SLC35F4: variants seen among roughly 807,000 people sequenced by gnomAD.
The protein encoded by SLC35F4 is solute carrier family 35 member F4, also known as chromosome 14 open reading frame 36.
In SLC35F4, 24 loss-of-function variants were observed where a neutral mutation model predicts 44.2. The observed-to-expected ratio is 0.54, with a 90% CI of 0.39 to 0.76. The LOEUF (loss-of-function observed/expected upper bound fraction) is 0.76, where lower values mean the gene tolerates loss of function less well. SLC35F4 is among the 30% of genes least tolerant of loss of function. The pLI, the probability that SLC35F4 is intolerant of heterozygous loss-of-function variation, is 0.00. For missense variants in SLC35F4, 562 were observed against 586.1 expected (o/e 0.96, Z 0.42); for synonymous variants, 238 against 223.6 (o/e 1.06, Z -0.57).
chr14:57,709,429 G>A (rs577426971), intron 1 of SLC35F4, among the ~76,000 whole-genome samples: 12 of 152,122 alleles, frequency 7.9e-5, no homozygotes, highest in South Asian at 2.1e-4. Context: ...ATTATAGAGC[G>A]AGGATTATTA....
chr14:57,790,237 G>GA (rs762983835), intron 1 of SLC35F4, among the ~76,000 whole-genome samples: 4 of 152,132 alleles, frequency 2.6e-5, no homozygotes, highest in Non-Finnish European at 5.9e-5. Flanking sequence ...AGTATATTTA[G>GA]AAAATCCCAT....
At chr14:57,711,145 G>C (rs573070827) in intron 1 of SLC35F4, among the ~76,000 whole-genome samples, 1 of 152,202 alleles carries the variant, frequency 6.6e-6, no homozygotes, top group African/African-American at 2.4e-5. Flanking sequence ...GGTTTCCCCT[G>C]CTGTTCTCAT....
At chr14:57,768,527 G>A (rs1026445070) in intron 1 of SLC35F4, among the ~76,000 whole-genome samples, 3 of 152,178 alleles carry the variant, frequency 2.0e-5, no homozygotes, top group South Asian at 2.1e-4. Flanking sequence ...AGAAGTCCTC[G>A]TGGATTCACT....
intron 1 of SLC35F4, among the ~76,000 whole-genome samples, chr14:57,791,125 T>C (rs899001530): frequency 6.6e-6 from 1 of 152,134 alleles, no homozygotes; most frequent in Non-Finnish European, 1.5e-5. Flanking sequence ...AAAGCCAAAA[T>C]TGACAAATGG....
intron 1 of SLC35F4, among the ~76,000 whole-genome samples, chr14:57,834,859 T>C (rs762361922): frequency 3.3e-5 from 5 of 152,146 alleles, no homozygotes; most frequent in Non-Finnish European, 7.4e-5. Flanking sequence ...CGAAACCCCA[T>C]CTCTACTAAA....
intron 1 of SLC35F4, among the ~76,000 whole-genome samples, chr14:57,925,186 G>A (rs1226300200): frequency 6.6e-6 from 1 of 151,640 alleles, no homozygotes; most frequent in Admixed American, 6.6e-5. Context: ...ACTTCCATTA[G>A]GCCCCACCTC....
intron 1 of SLC35F4, among the ~76,000 whole-genome samples, chr14:57,795,869 G>C (rs577861013): frequency 1.3e-5 from 2 of 152,110 alleles, no homozygotes; most frequent in Admixed American, 6.6e-5. Flanking sequence ...CATGTTACTA[G>C]GGTTTGGTGT....
intron 1 of SLC35F4, among the ~76,000 whole-genome samples, chr14:57,914,925 C>G (rs1889287498): frequency 6.6e-6 from 1 of 152,140 alleles, no homozygotes; most frequent in Non-Finnish European, 1.5e-5. Context: ...TTAGAAGGGA[C>G]TCTCTGCAGC....
At chr14:57,743,206 A>G (rs1309959438) in intron 1 of SLC35F4, among the ~76,000 whole-genome samples, 4 of 152,232 alleles carry the variant, frequency 2.6e-5, no homozygotes, top group Non-Finnish European at 5.9e-5. Context: ...AGCAGAAGGC[A>G]AGAAATAACT....
At chr14:57,645,197 T>C (rs1291583691) in intron 1 of SLC35F4, among the ~76,000 whole-genome samples, 2 of 152,224 alleles carry the variant, frequency 1.3e-5, no homozygotes, top group Non-Finnish European at 2.9e-5. Flanking sequence ...ATTGAATCTA[T>C]AAATTACCTT....
intron 1 of SLC35F4, among the ~76,000 whole-genome samples, chr14:57,958,831 A>G (rs1234055666): frequency 6.6e-6 from 1 of 152,200 alleles, no homozygotes; most frequent in Non-Finnish European, 1.5e-5. Context: ...CAGGGTGCAC[A>G]AGGCCACTCT....
rs144701227 is a variant in SLC35F4 at position 57,841,326 on chromosome 14, G to A, written c.103+24397C>T. ...CAGGCAAAAGGGGTTTGGATTCATC[G>A]GCAGGTCTCTAGTTCCTAAGAAGAC... On this transcript the variant is annotated intron_variant, in intron 1 of 7. Coordinates refer to ENST00000556826, the MANE Select transcript of SLC35F4 (RefSeq NM_001306087.2). Among the ~76,000 whole-genome samples the A allele has an allele frequency of 2.9e-4, 44 of 152,188 alleles. No individual in the cohort carries two copies. The East Asian group carries it at 6.2e-3, about 21-fold the overall frequency.
intron 1 of SLC35F4, among the ~76,000 whole-genome samples, chr14:57,859,898 G>A (rs1595237487): frequency 6.6e-6 from 1 of 152,280 alleles, no homozygotes; most frequent in East Asian, 1.9e-4. Flanking sequence ...GAAGGAAAAG[G>A]CACATTTTAA....
rs1192921219 is a variant in SLC35F4, at chr14:57,598,747, T to C, written c.104-4623A>G. Among the ~76,000 whole-genome samples the C allele has an allele frequency of 2.6e-5, 4 of 152,332 alleles. No homozygotes were observed. In the South Asian group the frequency reaches 8.3e-4, roughly 32 times the overall value. The stretch of plus-strand genomic sequence containing the variant: ...AAACAACTGGCTTTACTAAGTACTA[T>C]ACTGAAGCTGAGCCAGAGACCTTAT... On this transcript the variant is annotated intron_variant, in intron 1 of 7. Transcript: ENST00000556826.
intron 1 of SLC35F4, among the ~76,000 whole-genome samples, chr14:57,629,199 G>A (rs2072638971): frequency 6.6e-6 from 1 of 152,134 alleles, no homozygotes; most frequent in Admixed American, 6.6e-5. Context: ...GTGTCTAGCT[G>A]CTGTTCTGAA....
intron 1 of SLC35F4, among the ~76,000 whole-genome samples, chr14:57,922,930 G>T (rs1889470045): frequency 6.6e-6 from 1 of 152,212 alleles, no homozygotes; most frequent in South Asian, 2.1e-4. Context: ...AAAAGTTAAA[G>T]ACCTCAATGA....
intron 1 of SLC35F4, among the ~76,000 whole-genome samples, chr14:57,978,586 G>A (rs1188459668): frequency 2.6e-5 from 4 of 152,152 alleles, no homozygotes; most frequent in African/African-American, 9.7e-5. Context: ...ACCAGCTCAG[G>A]CACACTAACC....
chr14:57,613,320 T>A (rs1188742138), intron 1 of SLC35F4, among the ~76,000 whole-genome samples: 1 of 152,176 alleles, frequency 6.6e-6, no homozygotes, highest in Non-Finnish European at 1.5e-5. Context: ...GGGGTTTAGA[T>A]CAAAGTGAAA....
intron 1 of SLC35F4, among the ~76,000 whole-genome samples, chr14:57,891,878 C>A (rs1475555685): frequency 1.3e-5 from 2 of 151,974 alleles, no homozygotes; most frequent in Non-Finnish European, 2.9e-5. Flanking sequence ...CCACCTCAAA[C>A]AAACAAAAAA....
Sources: allele counts gnomAD v4.1 joint callset (sites outside exome capture counted in the v4.1 genomes callset), GRCh38; gene constraint gnomAD v4.1.1; transcripts MANE v1.5; gene names NCBI Gene and HGNC (gene_info 2026-07-23, HGNC 2026-07-21).